Variants in ZNF705B observed in about 807,000 individuals in gnomAD.
ZNF705B encodes Putative zinc finger protein 705D-like protein LOC100132396.
In ZNF705B, 1 loss-of-function variant was observed where a neutral mutation model predicts 10.5. The ratio of observed to expected loss-of-function variants is 0.10; its 90% confidence interval spans 0.03 to 0.45. The LOEUF (loss-of-function observed/expected upper bound fraction) is 0.45. Among genes scored for constraint, ZNF705B ranks in the 20% least tolerant of loss-of-function variants. The pLI, the probability that ZNF705B is intolerant of heterozygous loss-of-function variation, is 0.97. For missense variants in ZNF705B, 14 were observed against 84.0 expected (o/e 0.17, Z 3.26); for synonymous variants, 4 against 25.4 (o/e 0.16, Z 2.53).
rs1273661430 is a variant in ZNF705B, at chr8:7,932,045, G to T, written c.-72+1609G>T. On this transcript the variant is annotated intron_variant, in intron 2 of 6. Coordinates refer to ENST00000400120, the MANE Select transcript of ZNF705B (RefSeq NM_001193630.1). ...TTGGCATTGTGCCACAGCTGCCTGT[G>T]TCTGGGGGCACGTGCAGACGATCCA... is the stretch of plus-strand genomic sequence containing the variant. Among the ~76,000 whole-genome samples the T allele has an allele frequency of 1.3e-4, 16 of 119,356 alleles. 6 individuals are homozygous for T. The highest frequency in any genetic ancestry group is 3.2e-4 in the Non-Finnish European group (16 of 49,802). The allele number at this position is 119,356 out of a possible 152,430, so 78.3% of individuals were successfully genotyped here. A position where few individuals can be genotyped will look rare whatever the true frequency, so the allele number is the denominator to read the frequency against.
At chr8:7,941,159 T>C (rs1217991502) in intron 2 of ZNF705B, among the ~76,000 whole-genome samples, 4 of 146,866 alleles carry the variant, frequency 2.7e-5, no homozygotes, top group African/African-American at 9.9e-5. Context: ...TATGTGTGCA[T>C]GTATCTTTAT....
intron 2 of ZNF705B, among the ~76,000 whole-genome samples, chr8:7,941,052 G>A (rs576039993): frequency 8.4e-4 from 125 of 149,054 alleles, no homozygotes; most frequent in Non-Finnish European, 1.4e-3. Context: ...GTATTCCATG[G>A]TGTATACGTA....
At chr8:7,935,092 C>G (rs569705095) in intron 2 of ZNF705B, among the ~76,000 whole-genome samples, 7 of 100,214 alleles carry the variant, frequency 7.0e-5, no homozygotes, top group African/African-American at 1.9e-4. Context: ...AAATATAGAC[C>G]TAAAAGATAA....
At chr8:7,941,408 T>A (rs1446281719) in intron 2 of ZNF705B, among the ~76,000 whole-genome samples, 2 of 99,206 alleles carry the variant, frequency 2.0e-5, no homozygotes, top group African/African-American at 5.8e-5. Context: ...ATGGACATAG[T>A]AATTTGTATT....
intron 1 of ZNF705B, among the ~76,000 whole-genome samples, chr8:7,928,950 C>T (rs1478637007): frequency 8.9e-6 from 1 of 112,980 alleles, no homozygotes; most frequent in African/African-American, 2.6e-5. Flanking sequence ...ACTCAGAAGG[C>T]CGCAGGGCTA....
chr8:7,932,089 G>A (rs1336595156), intron 2 of ZNF705B, among the ~76,000 whole-genome samples: 1 of 120,346 alleles, frequency 8.3e-6, no homozygotes, highest in Non-Finnish European at 2.0e-5. Flanking sequence ...TCCTTCTCTG[G>A]GACAATGACC....
At chr8:7,929,100 AAGAG>A (rs1288739298) in intron 1 of ZNF705B, among the ~76,000 whole-genome samples, 1 of 121,718 alleles carries the variant, frequency 8.2e-6, no homozygotes, top group African/African-American at 2.5e-5. Context: ...ATTTGAAAAG[AAGAG>A]AGAGAATTTA....
At chr8:7,926,544 T>C (rs1412472896) in intron 1 of ZNF705B, 147 bp downstream of exon 1, 1 of 110,090 alleles carries the variant, frequency 9.1e-6, no homozygotes, top group Non-Finnish European at 2.2e-5. Context: ...ATTATTATTA[T>C]TATTATCAGT....
intron 2 of ZNF705B, among the ~76,000 whole-genome samples, chr8:7,931,059 G>T (rs1270584098): frequency 1.7e-5 from 2 of 119,472 alleles, no homozygotes; most frequent in African/African-American, 5.1e-5. Flanking sequence ...CTCCATGTTG[G>T]TCAGGCTGGT....
At chr8:7,928,859 A>C (rs2739891) in intron 1 of ZNF705B, among the ~76,000 whole-genome samples, 8,796 of 102,808 alleles carry the variant, frequency 0.086, 693 homozygotes, top group African/African-American at 0.18. Context: ...GTTTTCCAAA[A>C]AACCAAGTGC....
intron 2 of ZNF705B, among the ~76,000 whole-genome samples, chr8:7,944,827 G>A (rs1335101275): frequency 6.9e-5 from 6 of 87,428 alleles, no homozygotes; most frequent in African/African-American, 1.7e-4. Flanking sequence ...AAAATTAGCC[G>A]AGCACGATGG....
At position 7,930,309 on chromosome 8, in the gene ZNF705B, T is replaced by C. The variant is rs1367383975; in HGVS notation, c.-199T>C. On this transcript the variant is annotated 5_prime_UTR_variant, in exon 2 of 7. An upstream start codon of the reference 5' UTR is lost. Coordinates refer to ENST00000400120, the MANE Select transcript of ZNF705B (RefSeq NM_001193630.1). Reference sequence around the variant, plus strand: ...CAGATCACTTGTCCTCCTCAATTGATGTACACTGAAGAAAGAGCCACCTTC... The same window carrying C: ...CAGATCACTTGTCCTCCTCAATTGACGTACACTGAAGAAAGAGCCACCTTC... 2.1e-5 allele frequency: 2 copies of C among 97,524 alleles called. No individual in the cohort carries two copies. Among genetic ancestry groups the C allele is most frequent in the Admixed American group, 2.8e-4 (2 of 7,264 alleles). 6.0% of individuals were successfully genotyped at this position (97,524 alleles called of 1,614,324 possible).
At chr8:7,940,553 T>C (rs1820121724) in intron 2 of ZNF705B, among the ~76,000 whole-genome samples, 1 of 123,462 alleles carries the variant, frequency 8.1e-6, no homozygotes, top group Non-Finnish European at 1.9e-5. Context: ...CTTACTTACG[T>C]GGTATATCTG....
Position 7,931,433 on chromosome 8 carries a change from G to T in ZNF705B, c.-72+997G>T, listed in dbSNP as rs1368720884. On this transcript the variant is annotated intron_variant, in intron 2 of 6. Coordinates refer to ENST00000400120, the MANE Select transcript of ZNF705B (RefSeq NM_001193630.1). ...ACACACAGGTACTTGATGGTGATAG[G>T]TATGGTGGATTAATCCCCCAGCTCC... Among the ~76,000 whole-genome samples the T allele has an allele frequency of 7.4e-5, 9 of 121,708 alleles. 1 individual carries two copies. The East Asian group carries it at 9.4e-4, about 13-fold the overall frequency. 79.8% of individuals were successfully genotyped at this position (121,708 alleles called of 152,430 possible). A position where few individuals can be genotyped will look rare whatever the true frequency, so the allele number is the denominator to read the frequency against.
intron 2 of ZNF705B, among the ~76,000 whole-genome samples, chr8:7,937,730 T>C (rs1330944062): frequency 2.1e-5 from 2 of 94,746 alleles, no homozygotes; most frequent in African/African-American, 5.8e-5. Context: ...GTTAATATGA[T>C]TGGATATGGT....
intron 2 of ZNF705B, among the ~76,000 whole-genome samples, chr8:7,931,398 C>A (rs1819843919): frequency 8.2e-6 from 1 of 121,836 alleles, no homozygotes. Flanking sequence ...TATCCTTAGG[C>A]TCTCAGGAGA....
chr8:7,934,718 GTGT>G (rs1333116467), intron 2 of ZNF705B: 47 of 116,700 alleles, frequency 4.0e-4, no homozygotes, highest in African/African-American at 2.4e-3. Context: ...GTGTGTGTGT[GTGT>G]TATTTGATTT....
chr8:7,930,187 G>T (rs4610778), intron 1 of ZNF705B, 100 bp from the exon 2 acceptor site: 1 of 117,540 alleles, frequency 8.5e-6, no homozygotes, highest in Admixed American at 1.0e-4. Context: ...TTATGTCCAT[G>T]TCTGCTCAAT....
At chr8:7,926,556 G>T (rs1819692301) in intron 1 of ZNF705B, among the ~76,000 whole-genome samples, 159 bp downstream of exon 1, 1 of 107,308 alleles carries the variant, frequency 9.3e-6, no homozygotes. Flanking sequence ...ATTATCAGTA[G>T]TATTATCACC....
Sources: allele counts gnomAD v4.1 joint callset (sites outside exome capture counted in the v4.1 genomes callset), GRCh38; gene constraint gnomAD v4.1.1; transcripts MANE v1.5; gene names NCBI Gene and HGNC (gene_info 2026-07-23, HGNC 2026-07-21).